The following TEX14 variants were observed in gnomAD, a reference collection of about 807,000 sequenced individuals.
TEX14 encodes the protein inactive serine/threonine-protein kinase TEX14.
In TEX14, 168 loss-of-function variants were observed where a neutral mutation model predicts 178.6. That is an observed-to-expected ratio of 0.94 (90% CI 0.83 to 1.07). TEX14 has a LOEUF of 1.07. Ranked by LOEUF, TEX14 falls within the 50% of genes least tolerant of loss-of-function variation. The pLI, the probability that TEX14 is intolerant of heterozygous loss-of-function variation, is 0.00. For synonymous variants in TEX14, 626 were observed against 634.1 expected, an observed-to-expected ratio of 0.99 and a Z score of 0.19; for missense variants, 1,730 against 1,753.6, an observed-to-expected ratio of 0.99 and a Z score of 0.24.
At chr17:58,634,154 T>G (rs1477816137) in intron 2 of TEX14, among the ~76,000 whole-genome samples, 1 of 152,142 alleles carries the variant, frequency 6.6e-6, no homozygotes, top group Non-Finnish European at 1.5e-5. Flanking sequence ...GGCTCACGCC[T>G]GTAATCCCAG....
chr17:58,597,755 C>T (rs965678670), intron 14 of TEX14, among the ~76,000 whole-genome samples: 4 of 152,170 alleles, frequency 2.6e-5, no homozygotes, highest in African/African-American at 4.8e-5. Flanking sequence ...TCATTCATCC[C>T]CTCATTCCTT....
At chr17:58,604,701 C>T (rs113893942) in intron 11 of TEX14, among the ~76,000 whole-genome samples, 4 of 151,488 alleles carry the variant, frequency 2.6e-5, no homozygotes, top group African/African-American at 9.7e-5. Flanking sequence ...GCTGGGACTA[C>T]AGGCACGTGC....
In TEX14 at chr17:58,587,921, G is replaced by A. The variant is rs778356707; in HGVS notation, c.2677C>T (p.Pro893Ser). 146 of 1,613,600 alleles carry A rather than the reference G, an allele frequency of 9.0e-5. No homozygotes were observed. The highest frequency in any genetic ancestry group is 5.7e-4 in the Admixed American group (34 of 59,974). ...SSHRQGPSAS[P>S]SCHWDSTRMS... The stretch of plus-strand genomic sequence containing the variant: ...CTGGTAGAGTCCCAGTGACAGCTGG[G>A]TGATGCAGAAGGTCCCTGCCGGTGG... Residue 893 changes from proline (P) to serine (S), a missense_variant, in exon 16 of 32, where the codon CCC becomes TCC. Pro to Ser is a moderately conservative substitution (Grantham distance 74). Around this residue, in one of 2 missense-constraint regions of TEX14, gnomAD observed 941 missense variants for 1,072.4 expected, o/e 0.88. Transcript: ENST00000349033.
intron 3 of TEX14, among the ~76,000 whole-genome samples, chr17:58,629,850 T>A (rs1359542704): frequency 1.1e-4 from 16 of 148,424 alleles, no homozygotes; most frequent in Middle Eastern, 3.5e-3. Context: ...AAAAAAAAAA[T>A]AAATAAATAA....
intron 1 of TEX14, among the ~76,000 whole-genome samples, chr17:58,686,310 G>A (rs2047590794): frequency 6.6e-6 from 1 of 152,124 alleles, no homozygotes; most frequent in Non-Finnish European, 1.5e-5. Context: ...CAGAGTGAAA[G>A]GGAAGGAGGT....
chr17:58,631,549 C>G (rs2046290391), intron 2 of TEX14: 1 of 151,770 alleles, frequency 6.6e-6, no homozygotes, highest in Admixed American at 6.6e-5. Flanking sequence ...ACACATCTCT[C>G]AAAACACACA....
At chr17:58,573,595 T>C (rs1567713918) in intron 22 of TEX14, among the ~76,000 whole-genome samples, 1 of 152,306 alleles carries the variant, frequency 6.6e-6, no homozygotes, top group East Asian at 1.9e-4. Flanking sequence ...CTCGGCTCAC[T>C]GCAACCTCCG....
rs931036681 is a variant in TEX14, at chr17:58,657,275, C to T, written c.-1-5273G>A. ...ATGAGCCACCACGCTGGGCCCAAAT[C>T]TGGTTTTAGAATTCTGATTTGTGAG... On this transcript the variant is annotated intron_variant, in intron 1 of 31. Transcript: ENST00000349033. Among the ~76,000 whole-genome samples the T allele has an allele frequency of 3.7e-4, 57 of 152,094 alleles. 1 individual carries two copies. The highest frequency in any genetic ancestry group is 3.3e-3 in the Admixed American group (50 of 15,250).
chr17:58,661,748 G>A, intron 1 of TEX14: 1 of 560,740 alleles, frequency 1.8e-6, no homozygotes. Context: ...CATAGGGGAA[G>A]GCAACGGAGT....
intron 1 of TEX14, among the ~76,000 whole-genome samples, chr17:58,664,789 T>C (rs1043465800): frequency 6.6e-6 from 1 of 152,248 alleles, no homozygotes; most frequent in Non-Finnish European, 1.5e-5. Flanking sequence ...TATATTATTA[T>C]ATATGACATT....
chr17:58,631,490 A>C (rs1291011623), intron 2 of TEX14, among the ~76,000 whole-genome samples: 1 of 152,156 alleles, frequency 6.6e-6, no homozygotes, highest in Non-Finnish European at 1.5e-5. Flanking sequence ...CAAAACACAC[A>C]AAAAGCACTC....
intron 1 of TEX14, chr17:58,661,216 C>T (rs781548858): frequency 1.3e-6 from 1 of 796,358 alleles, no homozygotes; most frequent in East Asian, 2.4e-5. Flanking sequence ...TGGTTTGGGG[C>T]AGCTCAAACT....
At chr17:58,680,064 A>C (rs893852745) in intron 1 of TEX14, among the ~76,000 whole-genome samples, 1 of 149,032 alleles carries the variant, frequency 6.7e-6, no homozygotes, top group Non-Finnish European at 1.5e-5. Flanking sequence ...TAATGATGCC[A>C]CTATGGTGTC....
chr17:58,618,537 C>T (rs2045928107), intron 5 of TEX14, among the ~76,000 whole-genome samples: 1 of 152,198 alleles, frequency 6.6e-6, no homozygotes, highest in South Asian at 2.1e-4. Flanking sequence ...TGGCATGGTG[C>T]CATGCAGTAG....
At chr17:58,587,843 A>ACCC in intron 16 of TEX14, 53 bp downstream of exon 16, 2 of 1,118,848 alleles carry the variant, frequency 1.8e-6, no homozygotes, top group Non-Finnish European at 1.4e-6. Context: ...GGGTGCCAGA[A>ACCC]CCCACCCCCA....
chr17:58,577,400 TG>T lies in TEX14; in HGVS notation c.3294del (p.Arg1099GlyfsTer25). 4 of 1,505,258 alleles carry T rather than the reference TG, an allele frequency of 2.7e-6. No homozygotes were observed. Among genetic ancestry groups the T allele is most frequent in the Non-Finnish European group, 3.6e-6 (4 of 1,121,680 alleles). The allele number at this position is 1,505,258 out of a possible 1,614,324, so 93.2% of individuals were successfully genotyped here. On this transcript the variant is annotated frameshift_variant, in exon 21 of 32. Transcript: ENST00000349033. LOFTEE classifies it high-confidence loss of function. ...KILGKNAEIL[P>X]RSQFQPVRST... is the part of the protein sequence containing the mutation. Reference sequence around the variant, plus strand: ...CTTCGTACAGGTTGAAATTGAGACCTGGGCAAAATCTCAGCATTCTTTCCAA... The same window carrying T: ...CTTCGTACAGGTTGAAATTGAGACCTGGCAAAATCTCAGCATTCTTTCCAA...
intron 29 of TEX14, among the ~76,000 whole-genome samples, chr17:58,560,707 T>C (rs2044256496): frequency 6.6e-6 from 1 of 152,226 alleles, no homozygotes; most frequent in Admixed American, 6.5e-5. Flanking sequence ...TCATATGACA[T>C]GGTTTCCAGA....
chr17:58,659,307 A>T (rs781562335), intron 1 of TEX14: 1 of 974,372 alleles, frequency 1.0e-6, no homozygotes, highest in African/African-American at 1.8e-5. Context: ...CAAAGACATT[A>T]TTTACTTAAT....
chr17:58,631,690 GCAGT>G (rs2046305144), intron 2 of TEX14: 1 of 150,636 alleles, frequency 6.6e-6, no homozygotes, highest in African/African-American at 2.4e-5. Context: ...ACAGCAAACA[GCAGT>G]TAGAATAACG....
Sources: gnomAD v4.1 joint callset for allele counts (sites outside exome capture counted in the v4.1 genomes callset) on GRCh38, gnomAD v4.1.1 for gene constraint, gnomAD v4.1.1 regional missense constraint, MANE v1.5 for transcripts, NCBI Gene and HGNC (gene_info 2026-07-23, HGNC 2026-07-21) for gene names.